LCORL: variants seen among roughly 807,000 people sequenced by gnomAD.
The protein encoded by LCORL is ligand-dependent nuclear receptor corepressor-like protein.
LCORL carries 41 observed loss-of-function variants against 141.8 expected under a neutral mutation model. The observed-to-expected ratio is 0.29, with a 90% CI of 0.23 to 0.38. LCORL has a LOEUF of 0.38. Among genes scored for constraint, LCORL ranks in the 10% least tolerant of loss-of-function variants. LCORL has a pLI of 1.00. For missense variants in LCORL, 1,759 were observed against 2,035.0 expected, an observed-to-expected ratio of 0.86 and a Z score of 2.61; for synonymous variants, 618 against 694.1, an observed-to-expected ratio of 0.89 and a Z score of 1.72.
chr4:18,009,681 C>G (rs776849939), intron 1 of LCORL, among the ~76,000 whole-genome samples: 31 of 152,162 alleles, frequency 2.0e-4, no homozygotes, highest in Admixed American at 7.9e-4. Context: ...GGATGACATC[C>G]CACCCCAAGT....
At chr4:17,842,175 C>A in exon 8 of LCORL, 2 of 653,024 alleles carry the variant, frequency 3.1e-6, no homozygotes, top group South Asian at 2.1e-5. Context: ...ACCAAGATGG[C>A]TAGAACAAGT....
At chr4:17,981,700 G>A (rs913003486) in intron 1 of LCORL, among the ~76,000 whole-genome samples, 7 of 152,114 alleles carry the variant, frequency 4.6e-5, no homozygotes, top group South Asian at 2.1e-4. Context: ...CCATGATCAC[G>A]CTCCTGCACT....
At chr4:17,899,384 T>C (rs1255866271) in intron 5 of LCORL, among the ~76,000 whole-genome samples, 1 of 151,544 alleles carries the variant, frequency 6.6e-6, no homozygotes, top group Non-Finnish European at 1.5e-5. Context: ...CAAGAATATG[T>C]GAAGGCAGAG....
At chr4:17,974,897 C>A (rs981044481) in intron 1 of LCORL, among the ~76,000 whole-genome samples, 3 of 152,122 alleles carry the variant, frequency 2.0e-5, no homozygotes, top group Non-Finnish European at 4.4e-5. Flanking sequence ...ATACCTTTCA[C>A]CATCTGAAGA....
At chr4:17,931,412 T>C (rs1346806026) in intron 4 of LCORL, among the ~76,000 whole-genome samples, 3 of 152,058 alleles carry the variant, frequency 2.0e-5, no homozygotes, top group African/African-American at 7.2e-5. Context: ...TTGATGAAAA[T>C]GTAATTTATT....
chr4:18,020,845 G>A (rs1372887550), intron 1 of LCORL: 1 of 152,280 alleles, frequency 6.6e-6, no homozygotes, highest in African/African-American at 2.4e-5. Flanking sequence ...CGGGGGGGAG[G>A]GTGTCGTTGC....
chr4:17,946,614 T>C (rs1307894368), intron 4 of LCORL, among the ~76,000 whole-genome samples: 1 of 151,950 alleles, frequency 6.6e-6, no homozygotes, highest in African/African-American at 2.4e-5. Flanking sequence ...CTAAGATCAG[T>C]ACTCTTAAGA....
chr4:17,940,882 G>A (rs1016197159), intron 4 of LCORL, among the ~76,000 whole-genome samples: 8 of 152,122 alleles, frequency 5.3e-5, no homozygotes, highest in African/African-American at 1.9e-4. Flanking sequence ...CTGATAAATA[G>A]TATCATGAAA....
intron 2 of LCORL, among the ~76,000 whole-genome samples, chr4:17,963,443 T>G (rs1324689065): frequency 6.6e-6 from 1 of 151,650 alleles, no homozygotes; most frequent in Non-Finnish European, 1.5e-5. Flanking sequence ...AAAGACAACA[T>G]AAAATAGAGA....
intron 1 of LCORL, among the ~76,000 whole-genome samples, chr4:17,994,644 A>C (rs1377483597): frequency 1.3e-5 from 2 of 152,120 alleles, no homozygotes; most frequent in Admixed American, 1.3e-4. Context: ...TAATTTTTTA[A>C]TGTCTCTTTC....
At chr4:17,956,650 G>A (rs1180069462) in intron 4 of LCORL, among the ~76,000 whole-genome samples, 1 of 150,956 alleles carries the variant, frequency 6.6e-6, no homozygotes, top group Admixed American at 6.6e-5. Flanking sequence ...CACAGGCTGG[G>A]AAGGGTGGGA....
chr4:17,930,249 C>A (rs1033584592), intron 4 of LCORL, among the ~76,000 whole-genome samples: 16 of 152,148 alleles, frequency 1.1e-4, no homozygotes, highest in Admixed American at 9.8e-4. Flanking sequence ...ATGCCTGTAG[C>A]CCCAGCTACT....
chr4:17,925,125 G>A (rs1034815770), intron 4 of LCORL, among the ~76,000 whole-genome samples: 1 of 152,162 alleles, frequency 6.6e-6, no homozygotes, highest in African/African-American at 2.4e-5. Flanking sequence ...CCATGAAACT[G>A]GAAGTTAAGA....
At position 17,929,333 on chromosome 4, in the gene LCORL, G is replaced by A. The variant is rs922388469; in HGVS notation, c.431-19988C>T. Reference sequence around the variant, plus strand: ...GACCCCGAATAGCCAAAATAATCTCGAAAGAGAACAAAATCGGAGGATTAG... The same window carrying A: ...GACCCCGAATAGCCAAAATAATCTCAAAAGAGAACAAAATCGGAGGATTAG... On this transcript the variant is annotated intron_variant, in intron 4 of 7. Coordinates refer to ENST00000635767, the Ensembl canonical transcript of LCORL. Among the ~76,000 whole-genome samples the A allele has an allele frequency of 4.6e-5, 7 of 152,024 alleles. No individual in the cohort carries two copies. In the East Asian group the frequency reaches 5.8e-4, roughly 13 times the overall value.
chr4:17,974,047 C>T (rs1387414713), intron 1 of LCORL, among the ~76,000 whole-genome samples: 1 of 152,034 alleles, frequency 6.6e-6, no homozygotes, highest in African/African-American at 2.4e-5. Context: ...GAACTACCTA[C>T]TACTCGAGCA....
chr4:17,872,576 G>A (rs537734718), intron 7 of LCORL, among the ~76,000 whole-genome samples: 1 of 152,260 alleles, frequency 6.6e-6, no homozygotes, highest in East Asian at 1.9e-4. Flanking sequence ...GAGTCTCCCT[G>A]AGGCACCAAC....
At chr4:17,912,082 T>A in intron 4 of LCORL, 1 of 722,870 alleles carries the variant, frequency 1.4e-6, no homozygotes, top group Non-Finnish European at 2.6e-6. Flanking sequence ...CTGGAGCCAT[T>A]ACTTCAAGAC....
At chr4:18,015,660 G>C (rs2109893891) in intron 1 of LCORL, among the ~76,000 whole-genome samples, 1 of 151,770 alleles carries the variant, frequency 6.6e-6, no homozygotes, top group African/African-American at 2.4e-5. Context: ...ATCCATACCA[G>C]TCCCATCAAT....
chr4:17,950,900 T>TA (rs750349870), intron 4 of LCORL, among the ~76,000 whole-genome samples: 1 of 152,130 alleles, frequency 6.6e-6, no homozygotes, highest in Non-Finnish European at 1.5e-5. Flanking sequence ...AAACTACAAA[T>TA]AGAGTATTGG....
Sources: allele counts gnomAD v4.1 joint callset (sites outside exome capture counted in the v4.1 genomes callset), GRCh38; gene constraint gnomAD v4.1.1; transcripts MANE v1.5; gene names NCBI Gene and HGNC (gene_info 2026-07-23, HGNC 2026-07-21).